ANTXR2: variants seen among roughly 807,000 people sequenced by gnomAD.
The protein encoded by ANTXR2 is anthrax toxin receptor 2.
Under a neutral mutation model 73.7 loss-of-function variants are expected in ANTXR2, and 44 were observed. That is an observed-to-expected ratio of 0.60 (90% CI 0.47 to 0.77). The LOEUF is 0.77. ANTXR2 is among the 30% of genes least tolerant of loss of function. The probability of loss-of-function intolerance (pLI) is 0.00; values close to 1 mark genes in which losing one functional copy is unlikely to be tolerated. For missense variants in ANTXR2, 604 were observed against 592.5 expected, an observed-to-expected ratio of 1.02 and a Z score of -0.20; for synonymous variants, 217 against 205.9, an observed-to-expected ratio of 1.05 and a Z score of -0.46.
At chr4:79,994,343 T>C (rs547452718) in intron 12 of ANTXR2, among the ~76,000 whole-genome samples, 157 of 152,150 alleles carry the variant, frequency 1.0e-3, no homozygotes, top group African/African-American at 3.7e-3. Context: ...TAAATTTTAT[T>C]GGAAAGACCT....
chr4:79,957,339 G>GT (rs1728927929), intron 16 of ANTXR2, among the ~76,000 whole-genome samples: 1 of 151,950 alleles, frequency 6.6e-6, no homozygotes, highest in African/African-American at 2.4e-5. Flanking sequence ...AAATAAATGG[G>GT]TTGATAAATG....
At chr4:79,921,117 T>G (rs1727574266) in intron 16 of ANTXR2, among the ~76,000 whole-genome samples, 1 of 152,130 alleles carries the variant, frequency 6.6e-6, no homozygotes, top group African/African-American at 2.4e-5. Flanking sequence ...AGACTTAAAA[T>G]TTTTTAACCT....
At chr4:79,916,090 G>A (rs1223043912) in intron 16 of ANTXR2, among the ~76,000 whole-genome samples, 1 of 151,868 alleles carries the variant, frequency 6.6e-6, no homozygotes, top group Admixed American at 6.6e-5. Flanking sequence ...TTTTTATTCA[G>A]TATCTTTAAT....
chr4:80,020,736 G>T (rs1314822215), intron 10 of ANTXR2, among the ~76,000 whole-genome samples: 1 of 152,146 alleles, frequency 6.6e-6, no homozygotes, highest in East Asian at 1.9e-4. Flanking sequence ...ATTTGGTTTG[G>T]ATTCATACAA....
chr4:79,976,811 T>C (rs2110010636), intron 16 of ANTXR2, among the ~76,000 whole-genome samples: 1 of 152,352 alleles, frequency 6.6e-6, no homozygotes, highest in East Asian at 1.9e-4. Context: ...ATCAGATTCC[T>C]TCTTAGATGA....
chr4:79,946,425 G>A (rs1189136589), intron 16 of ANTXR2, among the ~76,000 whole-genome samples: 2 of 152,176 alleles, frequency 1.3e-5, no homozygotes, highest in African/African-American at 4.8e-5. Context: ...AGAGGTCTCA[G>A]CCAATCCCGG....
At chr4:79,931,549 A>G (rs1728059057) in intron 16 of ANTXR2, among the ~76,000 whole-genome samples, 1 of 151,306 alleles carries the variant, frequency 6.6e-6, no homozygotes, top group Non-Finnish European at 1.5e-5. Flanking sequence ...GGCCAGGGCT[A>G]ACTCACAGAA....
intron 16 of ANTXR2, among the ~76,000 whole-genome samples, chr4:79,952,451 T>C (rs1021895185): frequency 5.9e-5 from 9 of 151,870 alleles, no homozygotes; most frequent in African/African-American, 1.9e-4. Context: ...TGATAACTTG[T>C]AGCTCATTTT....
At chr4:79,953,593 G>A (rs1448078141) in intron 16 of ANTXR2, among the ~76,000 whole-genome samples, 1 of 152,026 alleles carries the variant, frequency 6.6e-6, no homozygotes, top group African/African-American at 2.4e-5. Flanking sequence ...CCTCCAGATA[G>A]AACTCCTTTT....
intron 3 of ANTXR2, among the ~76,000 whole-genome samples, chr4:80,062,360 C>T (rs1254949831): frequency 6.6e-6 from 1 of 152,222 alleles, no homozygotes; most frequent in African/African-American, 2.4e-5. Context: ...CACTCACTGC[C>T]TTACTAAATC....
intron 16 of ANTXR2, among the ~76,000 whole-genome samples, chr4:79,976,128 G>T (rs1339283859): frequency 6.6e-6 from 1 of 151,870 alleles, no homozygotes; most frequent in Non-Finnish European, 1.5e-5. Flanking sequence ...TAGCCAGGAT[G>T]GTCTCGATCT....
Position 79,945,263 on chromosome 4 carries a change from G to A in ANTXR2, c.1428+32358C>T, listed in dbSNP as rs79147558. On this transcript the variant is annotated intron_variant, in intron 16 of 16. Transcript: ENST00000403729. ...ATGGAAATCTCTTTTTTAGGAACAT[G>A]CCCTAAGTTTTGTTATTTAGCAATA... Among the ~76,000 whole-genome samples, 1,234 of 151,996 alleles carry A rather than the reference G, an allele frequency of 8.1e-3. 18 individuals carry two copies. Among genetic ancestry groups the A allele is most frequent in the African/African-American group, 0.029 (1,195 of 41,482 alleles).
chr4:80,050,778 T>C (rs977461918), intron 7 of ANTXR2, among the ~76,000 whole-genome samples: 2 of 151,620 alleles, frequency 1.3e-5, no homozygotes, highest in African/African-American at 4.8e-5. Context: ...AAAATACTTA[T>C]AACACATCAT....
intron 11 of ANTXR2, among the ~76,000 whole-genome samples, chr4:80,014,382 C>T (rs950429204): frequency 1.2e-4 from 19 of 152,046 alleles, no homozygotes; most frequent in African/African-American, 3.4e-4. Flanking sequence ...TCCTGGCCAA[C>T]GTGGTGAAAC....
At chr4:79,924,092 A>T (rs1304460632) in intron 16 of ANTXR2, among the ~76,000 whole-genome samples, 2 of 152,162 alleles carry the variant, frequency 1.3e-5, no homozygotes, top group Admixed American at 6.6e-5. Flanking sequence ...CCCATCACCA[A>T]ATAGTGAACA....
chr4:79,934,559 C>A (rs1354874268), intron 16 of ANTXR2, among the ~76,000 whole-genome samples: 1 of 151,196 alleles, frequency 6.6e-6, no homozygotes, highest in Non-Finnish European at 1.5e-5. Context: ...AAAAAAACAC[C>A]AAACCTATCA....
intron 16 of ANTXR2, among the ~76,000 whole-genome samples, chr4:79,955,612 T>A (rs887599559): frequency 1.3e-5 from 2 of 152,074 alleles, no homozygotes; most frequent in African/African-American, 4.8e-5. Flanking sequence ...ATAGGAAAAA[T>A]ATCATATTCA....
At chr4:79,936,257 T>C (rs1728252538) in intron 16 of ANTXR2, among the ~76,000 whole-genome samples, 1 of 152,248 alleles carries the variant, frequency 6.6e-6, no homozygotes, top group Non-Finnish European at 1.5e-5. Flanking sequence ...ATTTGCAGAA[T>C]ATTTAATTGA....
chr4:80,001,495 A>C (rs1461122636), intron 12 of ANTXR2, among the ~76,000 whole-genome samples: 1 of 151,852 alleles, frequency 6.6e-6, no homozygotes, highest in Non-Finnish European at 1.5e-5. Flanking sequence ...ACCCTATAAA[A>C]AGTTCAGGGT....
Sources: gnomAD v4.1 joint callset for allele counts (sites outside exome capture counted in the v4.1 genomes callset) on GRCh38, gnomAD v4.1.1 for gene constraint, MANE v1.5 for transcripts, NCBI Gene and HGNC (gene_info 2026-07-23, HGNC 2026-07-21) for gene names.